DENND1A: variants seen among roughly 807,000 people sequenced by gnomAD.
The protein encoded by DENND1A is DENN domain containing 1A.
Under a neutral mutation model 113.7 loss-of-function variants are expected in DENND1A, and 51 were observed. The ratio of observed to expected loss-of-function variants is 0.45; its 90% CI spans 0.36 to 0.57. DENND1A has a LOEUF of 0.57. Ranked by LOEUF, DENND1A falls within the 20% of genes least tolerant of loss-of-function variation. The probability of loss-of-function intolerance (pLI) is 0.00; values close to 1 mark genes in which losing one functional copy is unlikely to be tolerated. For missense variants in DENND1A, 1,258 were observed against 1,395.9 expected, an observed-to-expected ratio of 0.90 and a Z score of 1.57; for synonymous variants, 565 against 570.8, an observed-to-expected ratio of 0.99 and a Z score of 0.14.
chr9:123,880,434 A>G (rs2133581578), intron 1 of DENND1A, among the ~76,000 whole-genome samples: 1 of 152,336 alleles, frequency 6.6e-6, no homozygotes, highest in South Asian at 2.1e-4. Flanking sequence ...ATGTTTCCAG[A>G]TGAAATAAAA....
intron 1 of DENND1A, among the ~76,000 whole-genome samples, chr9:123,900,784 T>C (rs1032363530): frequency 3.9e-5 from 6 of 152,182 alleles, no homozygotes; most frequent in Non-Finnish European, 7.3e-5. Flanking sequence ...AATAACATAA[T>C]GATGTAAATT....
intron 2 of DENND1A, among the ~76,000 whole-genome samples, chr9:123,870,096 A>T (rs970343004): frequency 2.0e-5 from 3 of 152,000 alleles, no homozygotes; most frequent in African/African-American, 7.2e-5. Context: ...TAAAAAAAAT[A>T]TAGAATAGCT....
chr9:123,771,498 C>T (rs1390592719), intron 3 of DENND1A, among the ~76,000 whole-genome samples: 3 of 152,182 alleles, frequency 2.0e-5, no homozygotes, highest in African/African-American at 7.2e-5. Context: ...TTGCCAATAT[C>T]AGCTACAAAG....
intron 20 of DENND1A, among the ~76,000 whole-genome samples, chr9:123,408,105 A>C (rs10818817): frequency 0.33 from 50,397 of 152,052 alleles, 8,453 homozygotes; most frequent in Admixed American, 0.39. Flanking sequence ...GACCCTCCCC[A>C]GCCCCTGCTA....
At chr9:123,556,196 T>C (rs2057404857) in intron 13 of DENND1A, among the ~76,000 whole-genome samples, 1 of 152,156 alleles carries the variant, frequency 6.6e-6, no homozygotes, top group Admixed American at 6.5e-5. Context: ...TCCCTTCTGC[T>C]ATGTGAGCAC....
intron 5 of DENND1A, among the ~76,000 whole-genome samples, chr9:123,690,074 GAAGA>G (rs2065076796): frequency 1.1e-5 from 1 of 87,558 alleles, no homozygotes; most frequent in Non-Finnish European, 2.2e-5. Context: ...GGGAGGGAGG[GAAGA>G]AGGAAAGGAG....
At chr9:123,869,065 T>G (rs1228134368) in intron 2 of DENND1A, among the ~76,000 whole-genome samples, 1 of 152,230 alleles carries the variant, frequency 6.6e-6, no homozygotes, top group Non-Finnish European at 1.5e-5. Flanking sequence ...ATGTGCATTT[T>G]CATTTATTCT....
chr9:123,814,786 T>C (rs1383795594), intron 2 of DENND1A, among the ~76,000 whole-genome samples: 1 of 152,224 alleles, frequency 6.6e-6, no homozygotes, highest in East Asian at 1.9e-4. Flanking sequence ...ACTTCTTTAT[T>C]AATGGAAAAA....
chr9:123,663,030 T>C (rs1024401438), intron 8 of DENND1A, among the ~76,000 whole-genome samples: 32 of 152,204 alleles, frequency 2.1e-4, no homozygotes, highest in African/African-American at 7.2e-4. Context: ...TGCTAAAAAC[T>C]TGAAAGTAGC....
chr9:123,848,518 C>T lies in DENND1A; in HGVS notation c.88+30433G>A, dbSNP rs1842931534. ...ACCAACCAGCCATTCTCCCATCTTT[C>T]TCTTCCTTGGGCCTCCTTATTCCTT... is the stretch of plus-strand genomic sequence containing the variant. On this transcript the variant is annotated intron_variant, in intron 2 of 23. Coordinates refer to ENST00000394215, the MANE Select transcript of DENND1A (RefSeq NM_001352964.2). Among the ~76,000 whole-genome samples, 4 of 152,242 alleles carry T rather than the reference C, an allele frequency of 2.6e-5. No homozygotes were observed. In the South Asian group the frequency reaches 8.3e-4, roughly 32 times the overall value.
intron 13 of DENND1A, among the ~76,000 whole-genome samples, chr9:123,475,924 C>T (rs1379707863): frequency 6.6e-6 from 1 of 152,310 alleles, no homozygotes; most frequent in East Asian, 1.9e-4. Flanking sequence ...TGGCTCATGC[C>T]TGGAATCCCA....
chr9:123,628,714 A>G (rs1276801196), intron 10 of DENND1A, among the ~76,000 whole-genome samples: 3 of 152,248 alleles, frequency 2.0e-5, no homozygotes, highest in African/African-American at 4.8e-5. Context: ...GTCACCATTA[A>G]CTGAAAATAG....
chr9:123,538,857 T>C (rs1460315598), intron 13 of DENND1A, among the ~76,000 whole-genome samples: 4 of 113,108 alleles, frequency 3.5e-5, no homozygotes, highest in South Asian at 2.9e-4. Context: ...TATATATATA[T>C]ATGAATTCAT....
intron 11 of DENND1A, among the ~76,000 whole-genome samples, chr9:123,605,393 C>G (rs945536353): frequency 2.6e-5 from 4 of 152,178 alleles, no homozygotes; most frequent in African/African-American, 9.7e-5. Context: ...AGAAGAGGGG[C>G]TGCATAAATG....
At chr9:123,791,049 G>A (rs1001257292) in intron 3 of DENND1A, among the ~76,000 whole-genome samples, 1 of 152,038 alleles carries the variant, frequency 6.6e-6, no homozygotes, top group Non-Finnish European at 1.5e-5. Flanking sequence ...AAATCATGTT[G>A]TTCAAAAACT....
At chr9:123,497,892 T>A (rs891241011) in intron 13 of DENND1A, among the ~76,000 whole-genome samples, 2 of 151,664 alleles carry the variant, frequency 1.3e-5, no homozygotes, top group Non-Finnish European at 2.9e-5. Context: ...GGGACACTGA[T>A]TTTATAAGCA....
At chr9:123,826,476 T>G (rs1000923735) in intron 2 of DENND1A, among the ~76,000 whole-genome samples, 3 of 152,270 alleles carry the variant, frequency 2.0e-5, no homozygotes, top group African/African-American at 7.2e-5. Flanking sequence ...TAAGCCACCA[T>G]GTTCTCCCCC....
chr9:123,639,624 A>G (rs2061917779), intron 9 of DENND1A, among the ~76,000 whole-genome samples: 1 of 151,748 alleles, frequency 6.6e-6, no homozygotes, highest in South Asian at 2.1e-4. Flanking sequence ...CTAAAAATAC[A>G]AAATTAGCCA....
intron 8 of DENND1A, among the ~76,000 whole-genome samples, chr9:123,658,917 G>T (rs1367693448): frequency 6.6e-6 from 1 of 152,194 alleles, no homozygotes; most frequent in South Asian, 2.1e-4. Flanking sequence ...CCAGGGCCCA[G>T]ACCAGGCAGC....
Sources: gnomAD v4.1 joint callset for allele counts (sites outside exome capture counted in the v4.1 genomes callset) on GRCh38, gnomAD v4.1.1 for gene constraint, MANE v1.5 for transcripts, NCBI Gene and HGNC (gene_info 2026-07-23, HGNC 2026-07-21) for gene names.